Variants in KIF6 observed in about 807,000 individuals in gnomAD.
KIF6 encodes kinesin-like protein KIF6.
Under a neutral mutation model 112.7 loss-of-function variants are expected in KIF6, and 106 were observed. That is an observed-to-expected ratio of 0.94 (90% confidence interval 0.80 to 1.11). KIF6 has a LOEUF of 1.11. Ranked by LOEUF, KIF6 falls within the 50% of genes least tolerant of loss-of-function variation. The pLI is 0.00. For synonymous variants in KIF6, 339 were observed against 339.9 expected, an observed-to-expected ratio of 1.00 and a Z score of 0.03; for missense variants, 929 against 964.0, an observed-to-expected ratio of 0.96 and a Z score of 0.48.
At chr6:39,489,048 T>C (rs1775304834) in intron 13 of KIF6, among the ~76,000 whole-genome samples, 1 of 152,206 alleles carries the variant, frequency 6.6e-6, no homozygotes, top group Admixed American at 6.5e-5. Context: ...CAATTTTAAG[T>C]TCAGGGAAAA....
At chr6:39,576,110 A>G (rs1183311898) in intron 10 of KIF6, among the ~76,000 whole-genome samples, 1 of 152,168 alleles carries the variant, frequency 6.6e-6, no homozygotes, top group Non-Finnish European at 1.5e-5. Context: ...ATACACAGGA[A>G]TTCGCAGAAA....
At chr6:39,452,968 T>G (rs1461376494) in intron 13 of KIF6, among the ~76,000 whole-genome samples, 1 of 152,242 alleles carries the variant, frequency 6.6e-6, no homozygotes. Context: ...AAGAAACATC[T>G]TTCTTTAGAT....
intron 3 of KIF6, among the ~76,000 whole-genome samples, chr6:39,662,219 A>AT (rs1786193145): frequency 6.6e-6 from 1 of 152,228 alleles, no homozygotes; most frequent in Non-Finnish European, 1.5e-5. Flanking sequence ...TGGAAATAGC[A>AT]TTAAAATGTT....
intron 3 of KIF6, among the ~76,000 whole-genome samples, chr6:39,667,818 T>C (rs1228067618): frequency 6.6e-6 from 1 of 152,164 alleles, no homozygotes; most frequent in Non-Finnish European, 1.5e-5. Flanking sequence ...TTGTGTCTGA[T>C]ATGGTTTGGA....
intron 9 of KIF6, 29 bp from the exon 10 acceptor site, chr6:39,578,188 G>A: frequency 7.0e-7 from 1 of 1,422,540 alleles, no homozygotes; most frequent in Non-Finnish European, 9.9e-7. Flanking sequence ...CAGAGAAAAT[G>A]TCAACTTCTC....
intron 3 of KIF6, among the ~76,000 whole-genome samples, chr6:39,649,212 C>T (rs975890284): frequency 9.9e-5 from 15 of 152,110 alleles, no homozygotes; most frequent in Non-Finnish European, 1.9e-4. Context: ...CTGGCAACAT[C>T]ATTCTAAGAT....
In KIF6 at chr6:39,639,617, A is replaced by G; in HGVS notation, c.392T>C (p.Leu131Ser). ...PRTLSYIFEQ[L>S]QKDSSKIYTT... ...GAACGAAAAGTTTCATACCTTTTGT[A>G]ACTGTTCAAAAATGTATGACAGTGT... The change falls in exon 4 of 23, where the codon TTA becomes TCA. Residue 131 changes from leucine (L) to serine (S), a missense_variant. Physicochemically the swap from Leu to Ser is moderately radical, Grantham distance 145 (BLOSUM62 -2). Around this residue, in one of 2 missense-constraint regions of KIF6, gnomAD observed 688 missense variants for 662.7 expected, o/e 1.04. Transcript: ENST00000287152. 1 of 1,580,670 alleles carries G rather than the reference A, an allele frequency of 6.3e-7. No individual in the cohort carries two copies. Among genetic ancestry groups the G allele is most frequent in the East Asian group, 2.3e-5 (1 of 44,116 alleles).
intron 14 of KIF6, among the ~76,000 whole-genome samples, chr6:39,424,118 T>A (rs556498536): frequency 6.6e-6 from 1 of 152,218 alleles, no homozygotes; most frequent in African/African-American, 2.4e-5. Context: ...CCCCACAACA[T>A]TCCCAGGCAG....
intron 6 of KIF6, among the ~76,000 whole-genome samples, chr6:39,602,681 G>A (rs1782642981): frequency 6.6e-6 from 1 of 152,106 alleles, no homozygotes; most frequent in Non-Finnish European, 1.5e-5. Flanking sequence ...CTAAAAATTA[G>A]AACTATTTGA....
intron 10 of KIF6, among the ~76,000 whole-genome samples, chr6:39,552,213 A>G (rs1488926892): frequency 6.6e-6 from 1 of 152,228 alleles, no homozygotes; most frequent in Non-Finnish European, 1.5e-5. Flanking sequence ...TTGATAGTCA[A>G]CCATGTCCTG....
intron 15 of KIF6, among the ~76,000 whole-genome samples, chr6:39,388,091 A>G (rs1767574278): frequency 6.6e-6 from 1 of 152,122 alleles, no homozygotes; most frequent in African/African-American, 2.4e-5. Flanking sequence ...CTTCCTGGAA[A>G]CTACCTCCCT....
chr6:39,571,707 A>G (rs1780649604), intron 10 of KIF6, among the ~76,000 whole-genome samples: 1 of 152,230 alleles, frequency 6.6e-6, no homozygotes, highest in African/African-American at 2.4e-5. Flanking sequence ...TATGGTATTC[A>G]TAACCCACCA....
In KIF6 at chr6:39,415,550, T is replaced by C. The variant is rs564614974; in HGVS notation, c.1810+4398A>G. On this transcript the variant is annotated intron_variant, in intron 15 of 22. Coordinates refer to ENST00000287152, the MANE Select transcript of KIF6 (RefSeq NM_145027.6). Reference sequence around the variant, plus strand: ...TACTGCTGGTGTTGTCCTTGTAATTTGGAGCTGGCAACAAATAGTAACAAA... The same window carrying C: ...TACTGCTGGTGTTGTCCTTGTAATTCGGAGCTGGCAACAAATAGTAACAAA... Among the ~76,000 whole-genome samples the C allele has an allele frequency of 2.0e-5, 3 of 152,316 alleles. No individual in the cohort carries two copies. The South Asian group carries it at 6.2e-4, about 32-fold the overall frequency.
intron 13 of KIF6, among the ~76,000 whole-genome samples, chr6:39,452,038 A>G (rs1393042881): frequency 6.6e-6 from 1 of 152,194 alleles, no homozygotes; most frequent in Non-Finnish European, 1.5e-5. Context: ...CGGCATCCTC[A>G]GTTTCCTCAT....
At position 39,430,983 on chromosome 6, in the gene KIF6, G is replaced by A. The variant is rs9471100; in HGVS notation, c.1754+70C>T. On this transcript the variant is annotated intron_variant, in intron 14 of 22. Transcript: ENST00000287152. ...TGTTGGGCAGATTAGGAAGGACAGA[G>A]TAAGCAAATCTCTTCTAGGCTGGCC... 2.4e-4 allele frequency: 191 copies of A among 806,180 alleles called. 1 individual carries two copies. In the African/African-American group the frequency reaches 2.7e-3, roughly 12 times the overall value. The allele number at this position is 806,180 out of a possible 1,614,324, so 49.9% of individuals were successfully genotyped here.
chr6:39,676,535 T>C (rs1449606930), intron 3 of KIF6, among the ~76,000 whole-genome samples: 2 of 152,068 alleles, frequency 1.3e-5, no homozygotes, highest in African/African-American at 4.8e-5. Context: ...ACACGGGGAA[T>C]AAGCTAAACA....
At chr6:39,452,073 T>C (rs1772734807) in intron 13 of KIF6, among the ~76,000 whole-genome samples, 1 of 152,202 alleles carries the variant, frequency 6.6e-6, no homozygotes, top group Non-Finnish European at 1.5e-5. Flanking sequence ...TAATGTCTAC[T>C]TCATAGGGCT....
At chr6:39,650,858 A>G (rs1785431050) in intron 3 of KIF6, among the ~76,000 whole-genome samples, 1 of 152,162 alleles carries the variant, frequency 6.6e-6, no homozygotes, top group African/African-American at 2.4e-5. Context: ...CTCTGTCAGT[A>G]AATTGATCAA....
chr6:39,615,346 G>A (rs1210321379), intron 5 of KIF6, among the ~76,000 whole-genome samples: 3 of 152,272 alleles, frequency 2.0e-5, no homozygotes, highest in Admixed American at 1.3e-4. Flanking sequence ...GTTTGGAAAA[G>A]GGAGAGATGG....
Sources: allele counts gnomAD v4.1 joint callset (sites outside exome capture counted in the v4.1 genomes callset), GRCh38; gene constraint gnomAD v4.1.1; regional missense constraint gnomAD v4.1.1; transcripts MANE v1.5; gene names NCBI Gene and HGNC (gene_info 2026-07-23, HGNC 2026-07-21).